The following CHID1 variants were observed in gnomAD, a reference collection of about 807,000 sequenced individuals.
CHID1 encodes the protein chitinase domain-containing protein 1.
In CHID1, 44 loss-of-function variants were observed where a neutral mutation model predicts 55.4. The observed-to-expected ratio is 0.79, with a 90% CI of 0.62 to 1.02. The LOEUF (loss-of-function observed/expected upper bound fraction) is 1.02, where lower values mean the gene tolerates loss of function less well. CHID1 is among the 50% of genes least tolerant of loss of function. The pLI is 0.00. For synonymous variants in CHID1, 216 were observed against 212.9 expected, an observed-to-expected ratio of 1.01 and a Z score of -0.13; for missense variants, 491 against 515.3, an observed-to-expected ratio of 0.95 and a Z score of 0.46.
chr11:910,895 G>A (rs1206309323), upstream of CHID1: 1 of 1,021,982 alleles, frequency 9.8e-7, no homozygotes, highest in East Asian at 1.1e-4. Flanking sequence ...GGATGGAGAG[G>A]GGCTGGGCCA....
At chr11:910,386 A>C (rs1322045058) in intron 1 of CHID1, among the ~76,000 whole-genome samples, 1 of 151,972 alleles carries the variant, frequency 6.6e-6, no homozygotes, top group Non-Finnish European at 1.5e-5. Context: ...GCGCGCTCAC[A>C]CACTCCTCAC....
chr11:879,919 T>C (rs979984496), intron 10 of CHID1, among the ~76,000 whole-genome samples: 6 of 152,024 alleles, frequency 3.9e-5, no homozygotes, highest in South Asian at 2.1e-4. Flanking sequence ...TGTGGTAAGG[T>C]GGGGGACATG....
chr11:903,298 C>G (rs1485280235), intron 2 of CHID1, among the ~76,000 whole-genome samples, 187 bp from the exon 3 acceptor site: 1 of 152,218 alleles, frequency 6.6e-6, no homozygotes, highest in African/African-American at 2.4e-5. Context: ...CAGAAGCACT[C>G]TGGCCGTCAA....
chr11:869,842 A>G lies in CHID1; in HGVS notation c.*16T>C, dbSNP rs1489333791. 2 of 1,608,038 alleles carry G rather than the reference A, an allele frequency of 1.2e-6. No individual in the cohort carries two copies. Among genetic ancestry groups the G allele is most frequent in the Non-Finnish European group, 1.7e-6 (2 of 1,175,512 alleles). On this transcript the variant is annotated 3_prime_UTR_variant, in exon 13 of 13. Transcript: ENST00000323578. ...TTAGAAAAGAACACGTCCACCGCGG[A>G]GGCCGCAATGCCCACCTAGAGCAGG...
intron 8 of CHID1, among the ~76,000 whole-genome samples, chr11:891,020 G>A (rs1255683791): frequency 5.3e-5 from 8 of 152,160 alleles, no homozygotes; most frequent in Non-Finnish European, 1.0e-4. Flanking sequence ...ACAATTACGC[G>A]CTGCTGCAAA....
At chr11:913,598 C>A (rs957656006), upstream of CHID1, among the ~76,000 whole-genome samples, 1 of 151,928 alleles carries the variant, frequency 6.6e-6, no homozygotes, top group South Asian at 2.1e-4. Flanking sequence ...CATGGTGAAA[C>A]CCCATCTCTA....
chr11:914,433 CA>C, upstream of CHID1: 3 of 937,496 alleles, frequency 3.2e-6, no homozygotes, highest in South Asian at 4.2e-5. Flanking sequence ...CAGAGTAGGG[CA>C]GGGGCAGGCC....
chr11:884,560 C>A (rs1285793924), intron 8 of CHID1, among the ~76,000 whole-genome samples: 2 of 152,200 alleles, frequency 1.3e-5, no homozygotes, highest in African/African-American at 4.8e-5. Context: ...AGCGTCCCCT[C>A]CCGGGGTCTG....
chr11:902,280 T>C lies in CHID1; in HGVS notation c.312A>G (p.Thr104=), dbSNP rs1004313627. 17 of 1,613,836 alleles carry C rather than the reference T, an allele frequency of 1.1e-5. No individual in the cohort carries two copies. Among genetic ancestry groups the C allele is most frequent in the African/African-American group, 1.3e-5 (1 of 74,924 alleles). ...DVTKVFGSKF[T]QISPVWLQLK... is the part of the protein sequence containing the mutation. ...GCTGCAGCCAGACGGGTGAGATCTG[T>C]GTGAACTTGCTCCCAAAGACCTTGG... Residue 104 remains threonine, a synonymous_variant, in exon 4 of 13, where the codon ACA becomes ACG. Transcript: ENST00000323578.
rs150184057 is a variant in CHID1, at chr11:870,028, G to A, written c.1084-72C>T. ...AACACCCAGGGATGTCCTCCAGGCC[G>A]AGGGGCAGCACCGCCTGGACCCCAG... On this transcript the variant is annotated intron_variant, in intron 12 of 12. Transcript: ENST00000323578. 100 of 1,606,534 alleles carry A rather than the reference G, an allele frequency of 6.2e-5. 1 individual carries two copies. The Middle Eastern group carries it at 1.8e-3, about 29-fold the overall frequency.
intron 1 of CHID1, among the ~76,000 whole-genome samples, chr11:906,509 C>G (rs1018061218): frequency 6.6e-5 from 10 of 152,134 alleles, no homozygotes; most frequent in Non-Finnish European, 1.5e-4. Context: ...AGCCACCGCG[C>G]CCAGCCATGG....
intron 8 of CHID1, among the ~76,000 whole-genome samples, chr11:888,632 G>C (rs12416812): frequency 6.6e-6 from 1 of 152,048 alleles, no homozygotes; most frequent in Non-Finnish European, 1.5e-5. Flanking sequence ...TCTGAGGAAC[G>C]AAAGCCCCGG....
chr11:877,402 C>A (rs1849587632), intron 10 of CHID1, among the ~76,000 whole-genome samples: 2 of 152,202 alleles, frequency 1.3e-5, no homozygotes, highest in African/African-American at 4.8e-5. Context: ...CACCACCATA[C>A]CGGCTAATTT....
chr11:869,729 C>T lies in CHID1; in HGVS notation c.*129G>A. On this transcript the variant is annotated 3_prime_UTR_variant, in exon 13 of 13. Transcript: ENST00000323578. ...GGAGGATGGGGAGTCACATGGTGCCCAGGACCCCCGACTGAGGACTGCAGC... is the reference window on the plus strand; with the variant it reads ...GGAGGATGGGGAGTCACATGGTGCCTAGGACCCCCGACTGAGGACTGCAGC... 1.3e-6 allele frequency: 1 copy of T among 797,420 alleles called. No individual in the cohort carries two copies. Among genetic ancestry groups the T allele is most frequent in the Non-Finnish European group, 2.1e-6 (1 of 475,652 alleles). The allele number at this position is 797,420 out of a possible 1,614,324, so 49.4% of individuals were successfully genotyped here.
At chr11:891,503 A>G (rs1850819579) in intron 8 of CHID1, among the ~76,000 whole-genome samples, 1 of 152,176 alleles carries the variant, frequency 6.6e-6, no homozygotes, top group Non-Finnish European at 1.5e-5. Flanking sequence ...TGCCACCAGC[A>G]GAAGACAGGC....
chr11:910,792 C>T lies in CHID1; in HGVS notation c.-61G>A, dbSNP rs1852620207. Reference sequence around the variant, plus strand: ...GGGCTCACCTGCATGTCAGGGAGGCCGGACGGCCACAAACGCACGGCCGGA... The same window carrying T: ...GGGCTCACCTGCATGTCAGGGAGGCTGGACGGCCACAAACGCACGGCCGGA... On this transcript the variant is annotated 5_prime_UTR_variant, in exon 1 of 13. Transcript: ENST00000323578. 1.8e-6 allele frequency: 2 copies of T among 1,119,274 alleles called. No individual in the cohort carries two copies. Among genetic ancestry groups the T allele is most frequent in the Non-Finnish European group, 2.2e-6 (2 of 907,948 alleles). The allele number at this position is 1,119,274 out of a possible 1,614,324, so 69.3% of individuals were successfully genotyped here.
At chr11:884,277 A>C (rs1850233332) in intron 8 of CHID1, 108 bp from the exon 9 acceptor site, 5 of 747,868 alleles carry the variant, frequency 6.7e-6, no homozygotes, top group Non-Finnish European at 1.1e-5. Context: ...CACTTTTCCC[A>C]AGGGGAAAAG....
intron 2 of CHID1, among the ~76,000 whole-genome samples, chr11:904,023 C>T (rs940553793): frequency 3.3e-5 from 5 of 152,214 alleles, no homozygotes; most frequent in Non-Finnish European, 2.9e-5. Context: ...ACACCTGCCC[C>T]TACTCCACCT....
At chr11:904,643 G>C in intron 2 of CHID1, 63 bp downstream of exon 2, 1 of 1,592,928 alleles carries the variant, frequency 6.3e-7, no homozygotes, top group East Asian at 2.2e-5. Flanking sequence ...TGGACAGAAA[G>C]AAGAGGATGA....
Sources: allele counts gnomAD v4.1 joint callset (sites outside exome capture counted in the v4.1 genomes callset), GRCh38; gene constraint gnomAD v4.1.1; transcripts MANE v1.5; gene names NCBI Gene and HGNC (gene_info 2026-07-23, HGNC 2026-07-21).